Variants in GUCY1A2 observed in about 807,000 individuals in gnomAD.
GUCY1A2 encodes the protein guanylate cyclase soluble subunit alpha-2.
GUCY1A2 carries 27 observed loss-of-function variants against 63.5 expected under a neutral mutation model. The ratio of observed to expected loss-of-function variants is 0.43; its 90% CI spans 0.31 to 0.59. The LOEUF (loss-of-function observed/expected upper bound fraction) is 0.59, where lower values mean the gene tolerates loss of function less well. Ranked by LOEUF, GUCY1A2 falls within the 20% of genes least tolerant of loss-of-function variation. The pLI is 0.11. For synonymous variants in GUCY1A2, 364 were observed against 343.5 expected (o/e 1.06, Z -0.66); for missense variants, 768 against 913.3 (o/e 0.84, Z 2.05).
At position 106,988,717 on chromosome 11, in the gene GUCY1A2, A is replaced by G. The variant is rs1031463485; in HGVS notation, c.304-2586T>C. 4.6e-5 allele frequency among the ~76,000 whole-genome samples: 7 copies of G among 152,178 alleles called. No individual in the cohort carries two copies. The East Asian group carries it at 1.3e-3, about 29-fold the overall frequency. On this transcript the variant is annotated intron_variant, in intron 1 of 7. Transcript: ENST00000526355. Reference sequence around the variant, plus strand: ...TGCCAAAGTGGGCAGGCACATTCTAATAGCCTAAACCACAAGCATAGAGGC... The same window carrying G: ...TGCCAAAGTGGGCAGGCACATTCTAGTAGCCTAAACCACAAGCATAGAGGC...
chr11:106,863,885 T>C (rs1049332601), intron 4 of GUCY1A2, among the ~76,000 whole-genome samples: 3 of 152,172 alleles, frequency 2.0e-5, no homozygotes, highest in Middle Eastern at 3.2e-3. Context: ...TATTTTATTC[T>C]CTTTGTAGCA....
chr11:106,995,092 G>A (rs1440688607), intron 1 of GUCY1A2, among the ~76,000 whole-genome samples: 3 of 152,148 alleles, frequency 2.0e-5, no homozygotes, highest in African/African-American at 7.2e-5. Flanking sequence ...GGTAGACGTG[G>A]CTTCCATCTT....
At position 106,675,359 on chromosome 11, in the gene GUCY1A2, A is replaced by T. The variant is rs191514815; in HGVS notation, c.*12190T>A. ...ATTTTTCTCCATGGACCATTATTCT[A>T]TTTGAACCTAACCTGAATTCCCTCA... On this transcript the variant is annotated 3_prime_UTR_variant, in exon 8 of 8. Coordinates refer to ENST00000526355, the MANE Select transcript of GUCY1A2 (RefSeq NM_000855.3). 45 of 194,958 alleles carry T rather than the reference A, an allele frequency of 2.3e-4. No homozygotes were observed. The highest frequency in any genetic ancestry group is 1.7e-3 in the Middle Eastern group (1 of 572). The allele number at this position is 194,958 out of a possible 1,614,324, so 12.1% of individuals were successfully genotyped here. A position where few individuals can be genotyped will look rare whatever the true frequency, so the allele number is the denominator to read the frequency against.
chr11:106,689,148 A>G (rs1862578071), intron 7 of GUCY1A2, among the ~76,000 whole-genome samples: 1 of 152,216 alleles, frequency 6.6e-6, no homozygotes, highest in South Asian at 2.1e-4. Context: ...TGCACAATCA[A>G]TTATGAGTAT....
intron 6 of GUCY1A2, among the ~76,000 whole-genome samples, chr11:106,720,875 T>C (rs1445236975): frequency 6.6e-6 from 1 of 152,206 alleles, no homozygotes; most frequent in Non-Finnish European, 1.5e-5. Flanking sequence ...AATAATGTAT[T>C]GATACTGGTT....
chr11:106,968,395 G>A (rs1861152714), intron 3 of GUCY1A2, among the ~76,000 whole-genome samples: 1 of 152,084 alleles, frequency 6.6e-6, no homozygotes, highest in African/African-American at 2.4e-5. Context: ...ATTTCCCTAG[G>A]AAGAATAAAA....
At chr11:106,894,222 G>C (rs2135480015) in intron 4 of GUCY1A2, among the ~76,000 whole-genome samples, 1 of 152,166 alleles carries the variant, frequency 6.6e-6, no homozygotes, top group East Asian at 1.9e-4. Context: ...ATTACATAAT[G>C]ATAAAGGGGT....
Position 106,683,822 on chromosome 11 carries a change from A to G in GUCY1A2, c.*3727T>C. ...GAGCCTTCAACAAATATATTTAATTATGGTCATAATTTTGAGCTCCTACCT... is the reference window on the plus strand; with the variant it reads ...GAGCCTTCAACAAATATATTTAATTGTGGTCATAATTTTGAGCTCCTACCT... On this transcript the variant is annotated 3_prime_UTR_variant, in exon 8 of 8. Coordinates refer to ENST00000526355, the MANE Select transcript of GUCY1A2 (RefSeq NM_000855.3). The G allele has an allele frequency of 4.7e-6, 1 of 211,248 alleles. No individual in the cohort carries two copies. The highest frequency in any genetic ancestry group is 9.6e-6 in the Non-Finnish European group (1 of 104,108). 13.1% of individuals were successfully genotyped at this position (211,248 alleles called of 1,614,324 possible).
chr11:106,915,557 A>C (rs940280895), intron 4 of GUCY1A2, among the ~76,000 whole-genome samples: 12 of 146,884 alleles, frequency 8.2e-5, no homozygotes, highest in African/African-American at 2.9e-4. Context: ...TGTGGCTAGA[A>C]CATTGCCTAA....
At chr11:106,851,243 T>C (rs1859350895) in intron 4 of GUCY1A2, among the ~76,000 whole-genome samples, 1 of 151,910 alleles carries the variant, frequency 6.6e-6, no homozygotes, top group South Asian at 2.1e-4. Context: ...TTGTATAGTC[T>C]GTGTATTAGT....
intron 6 of GUCY1A2, among the ~76,000 whole-genome samples, chr11:106,775,563 A>T (rs553498414): frequency 2.0e-5 from 3 of 151,464 alleles, no homozygotes; most frequent in Admixed American, 2.0e-4. Flanking sequence ...ATAGTTTTTT[A>T]AAAATATTTT....
At chr11:106,789,056 G>C (rs1256966865) in intron 5 of GUCY1A2, among the ~76,000 whole-genome samples, 1 of 151,888 alleles carries the variant, frequency 6.6e-6, no homozygotes, top group Non-Finnish European at 1.5e-5. Flanking sequence ...TCCATTTTTG[G>C]TGTCTTCTTC....
At position 106,783,869 on chromosome 11, in the gene GUCY1A2, G is replaced by C. The variant is rs1415618722; in HGVS notation, c.1693-7287C>G. On this transcript the variant is annotated intron_variant, in intron 5 of 7. Coordinates refer to ENST00000526355, the MANE Select transcript of GUCY1A2 (RefSeq NM_000855.3). ...TTTCAAAAGGTGGCATCCCAGAAGG[G>C]ATATTTTTTGTTTGATGAATCTGTG... Among the ~76,000 whole-genome samples the C allele has an allele frequency of 2.6e-5, 4 of 152,214 alleles. No individual in the cohort carries two copies. In the East Asian group the frequency reaches 7.7e-4, roughly 29 times the overall value.
chr11:106,687,816 C>G, intron 7 of GUCY1A2, 60 bp from the exon 8 acceptor site: 2 of 1,167,668 alleles, frequency 1.7e-6, no homozygotes, highest in Non-Finnish European at 2.6e-6. Flanking sequence ...AATACATGGA[C>G]AGAAATTTTA....
intron 4 of GUCY1A2, among the ~76,000 whole-genome samples, chr11:106,909,577 TA>T (rs1339171331): frequency 6.6e-6 from 1 of 151,846 alleles, no homozygotes. Flanking sequence ...TTTTTTAATT[TA>T]AAAAATGTTA....
chr11:106,845,041 C>T (rs959741312), intron 4 of GUCY1A2, among the ~76,000 whole-genome samples: 4 of 151,632 alleles, frequency 2.6e-5, no homozygotes, highest in Non-Finnish European at 4.4e-5. Context: ...AAGTTACCTC[C>T]GGCAATCTCC....
chr11:106,783,842 G>A (rs1346681343), intron 5 of GUCY1A2, among the ~76,000 whole-genome samples: 1 of 152,162 alleles, frequency 6.6e-6, no homozygotes, highest in Non-Finnish European at 1.5e-5. Context: ...GGGTGGGGGT[G>A]GTTTCAAAAG....
intron 4 of GUCY1A2, among the ~76,000 whole-genome samples, chr11:106,839,099 A>G (rs1859159427): frequency 1.3e-5 from 2 of 151,970 alleles, no homozygotes; most frequent in African/African-American, 4.8e-5. Flanking sequence ...TAGGGTTTTT[A>G]TGGTTTTAGG....
chr11:106,770,976 A>G (rs1486046472), intron 6 of GUCY1A2, among the ~76,000 whole-genome samples: 2 of 151,842 alleles, frequency 1.3e-5, no homozygotes, highest in Non-Finnish European at 2.9e-5. Context: ...TACTTGCCTC[A>G]TTATATAAAA....
Sources: allele counts gnomAD v4.1 joint callset (sites outside exome capture counted in the v4.1 genomes callset), GRCh38; gene constraint gnomAD v4.1.1; transcripts MANE v1.5; gene names NCBI Gene and HGNC (gene_info 2026-07-23, HGNC 2026-07-21).